Variants in LRRC3C observed in about 807,000 individuals in gnomAD.
The protein encoded by LRRC3C is leucine-rich repeat-containing protein 3C.
A neutral mutation model predicts 14.8 loss-of-function variants in LRRC3C; 11 were observed. The observed-to-expected ratio is 0.74, with a 90% CI of 0.47 to 1.23. The LOEUF is 1.23. LRRC3C is among the 50% of genes most tolerant of loss of function. LRRC3C has a pLI of 0.00. For synonymous variants in LRRC3C, 149 were observed against 161.5 expected (o/e 0.92, Z 0.59); for missense variants, 354 against 361.8 (o/e 0.98, Z 0.18).
chr17:39,934,943 G>A (rs977506706), intron 1 of LRRC3C, among the ~76,000 whole-genome samples: 12 of 152,062 alleles, frequency 7.9e-5, no homozygotes, highest in African/African-American at 1.9e-4. Flanking sequence ...CTGTCATGGC[G>A]CGGCTGAAAG....
At chr17:39,941,164 A>G (rs1370757060) in intron 2 of LRRC3C, among the ~76,000 whole-genome samples, 2 of 151,810 alleles carry the variant, frequency 1.3e-5, no homozygotes, top group Non-Finnish European at 2.9e-5. Context: ...AGCCTGGCCA[A>G]TATGGTGAAA....
intron 1 of LRRC3C, among the ~76,000 whole-genome samples, chr17:39,932,715 G>T (rs376749245): frequency 6.6e-6 from 1 of 151,592 alleles, no homozygotes; most frequent in East Asian, 1.9e-4. Flanking sequence ...TTATGATCTC[G>T]CTATTTCACT....
intron 1 of LRRC3C, among the ~76,000 whole-genome samples, chr17:39,933,714 C>A (rs1268960304): frequency 6.6e-6 from 1 of 152,000 alleles, no homozygotes; most frequent in Non-Finnish European, 1.5e-5. Context: ...GCCTGGGCGA[C>A]AGAGCAAGAC....
chr17:39,935,783 C>T lies in LRRC3C; in HGVS notation c.-174-19C>T. On this transcript the variant is annotated intron_variant, in intron 1 of 3. Coordinates refer to ENST00000377924, the MANE Select transcript of LRRC3C (RefSeq NM_001195545.2). Reference sequence around the variant, plus strand: ...GGCAGCATGAAGTGTATGTATACACCCCTTGCTCTTTTCTACAGGGAACAA... The same window carrying T: ...GGCAGCATGAAGTGTATGTATACACTCCTTGCTCTTTTCTACAGGGAACAA... 1 of 971,904 alleles carries T rather than the reference C, an allele frequency of 1.0e-6. No homozygotes were observed. Among genetic ancestry groups the T allele is most frequent in the Non-Finnish European group, 1.2e-6 (1 of 817,864 alleles). 60.2% of individuals were successfully genotyped at this position (971,904 alleles called of 1,614,324 possible).
chr17:39,933,845 G>GA (rs764574150), intron 1 of LRRC3C, among the ~76,000 whole-genome samples: 21 of 152,218 alleles, frequency 1.4e-4, no homozygotes, highest in Non-Finnish European at 2.8e-4. Context: ...AGGGAGGGTG[G>GA]TGAGGTCCTG....
chr17:39,933,192 A>C (rs1189221397), intron 1 of LRRC3C, among the ~76,000 whole-genome samples: 1 of 152,228 alleles, frequency 6.6e-6, no homozygotes, highest in Non-Finnish European at 1.5e-5. Flanking sequence ...TAAATTTTTT[A>C]TTAAAATTGT....
At chr17:39,929,013 T>C (rs1480647760) in intron 1 of LRRC3C, 1 of 152,270 alleles carries the variant, frequency 6.6e-6, no homozygotes, top group Non-Finnish European at 1.5e-5. Context: ...GCTCTGCCTA[T>C]GTCCTGTGGA....
At position 39,941,477 on chromosome 17, in the gene LRRC3C, A is replaced by T; in HGVS notation, c.-47A>T. 6.6e-7 allele frequency: 1 copy of T among 1,509,892 alleles called. No individual in the cohort carries two copies. The highest frequency in any genetic ancestry group is 8.9e-7 in the Non-Finnish European group (1 of 1,123,574). 93.5% of individuals were successfully genotyped at this position (1,509,892 alleles called of 1,614,324 possible). On this transcript the variant is annotated 5_prime_UTR_variant, in exon 3 of 4. The change abolishes the stop of an existing upstream ORF in the 5' untranslated region. Coordinates refer to ENST00000377924, the MANE Select transcript of LRRC3C (RefSeq NM_001195545.2). ...TCCGTGTCCAGTCCTGGTCACCCAT[A>T]GTCTTCCAAAATCCAGCAAGAAAAA...
At chr17:39,940,924 A>G (rs970998807) in intron 2 of LRRC3C, among the ~76,000 whole-genome samples, 9 of 151,992 alleles carry the variant, frequency 5.9e-5, no homozygotes, top group Admixed American at 5.9e-4. Context: ...TTGTATTTTT[A>G]GTAGAGATGG....
At chr17:39,933,564 C>G (rs957285181) in intron 1 of LRRC3C, among the ~76,000 whole-genome samples, 18 of 152,144 alleles carry the variant, frequency 1.2e-4, no homozygotes, top group Non-Finnish European at 2.2e-4. Flanking sequence ...GAAACCCCAT[C>G]TCCACTAAAA....
At chr17:39,932,628 G>A (rs1031024287) in intron 1 of LRRC3C, among the ~76,000 whole-genome samples, 3 of 151,334 alleles carry the variant, frequency 2.0e-5, no homozygotes, top group South Asian at 2.1e-4. Context: ...AGGCTAAGGC[G>A]GGAGGATCGC....
intron 1 of LRRC3C, among the ~76,000 whole-genome samples, chr17:39,929,838 T>A (rs1978597065): frequency 6.6e-6 from 1 of 152,164 alleles, no homozygotes; most frequent in South Asian, 2.1e-4. Flanking sequence ...ATGAAGCCAT[T>A]TAGGACAGAT....
chr17:39,937,008 A>G (rs1978815540), intron 2 of LRRC3C, among the ~76,000 whole-genome samples: 1 of 152,054 alleles, frequency 6.6e-6, no homozygotes, highest in Non-Finnish European at 1.5e-5. Flanking sequence ...ATGGTGGTGC[A>G]CGCCTGTAAT....
At chr17:39,937,385 G>A (rs1340846591) in intron 2 of LRRC3C, among the ~76,000 whole-genome samples, 1 of 151,654 alleles carries the variant, frequency 6.6e-6, no homozygotes, top group Non-Finnish European at 1.5e-5. Flanking sequence ...TCAGTGAGCT[G>A]AGATCATGCC....
intron 1 of LRRC3C, among the ~76,000 whole-genome samples, chr17:39,932,643 G>T (rs1211543224): frequency 1.3e-5 from 2 of 151,542 alleles, no homozygotes; most frequent in Non-Finnish European, 2.9e-5. Context: ...GATCGCTTGA[G>T]CCCAAGGAAT....
intron 1 of LRRC3C, among the ~76,000 whole-genome samples, chr17:39,928,086 A>C (rs1158672938): frequency 6.6e-6 from 1 of 152,196 alleles, no homozygotes; most frequent in African/African-American, 2.4e-5. Context: ...AGCGCTTTTC[A>C]CAACATTGGC....
chr17:39,944,618 G>C lies in LRRC3C; in HGVS notation c.712G>C (p.Ala238Pro). 6.5e-7 allele frequency: 1 copy of C among 1,535,948 alleles called. No individual in the cohort carries two copies. The highest frequency in any genetic ancestry group is 8.7e-7 in the Non-Finnish European group (1 of 1,146,852). ...TMGGWLTLMV[A>P]YLVHYVWQNR... is the part of the protein sequence containing the mutation. ...GGGGGGCTGGCTGACACTCATGGTG[G>C]CTTATCTGGTGCATTATGTGTGGCA... is the stretch of plus-strand genomic sequence containing the variant. The change falls in exon 4 of 4, where the codon GCT (alanine) becomes CCT (proline). Residue 238 changes from alanine (A) to proline (P), a missense_variant. By Grantham distance (27) the Ala-to-Pro change is conservative. Coordinates refer to ENST00000377924, the MANE Select transcript of LRRC3C (RefSeq NM_001195545.2).
chr17:39,927,853 A>AG, intron 1 of LRRC3C, 39 bp downstream of exon 1: 2 of 985,614 alleles, frequency 2.0e-6, no homozygotes, highest in Non-Finnish European at 2.4e-6. Context: ...GTGCCCTTCA[A>AG]GTGTATTTTA....
Position 39,944,038 on chromosome 17 carries a change from C to T in LRRC3C, c.132C>T (p.Ser44=). 2 of 1,536,100 alleles carry T rather than the reference C, an allele frequency of 1.3e-6. No individual in the cohort carries two copies. Among genetic ancestry groups the T allele is most frequent in the Non-Finnish European group, 1.7e-6 (2 of 1,146,856 alleles). Residue 44 remains serine, a synonymous_variant, in exon 4 of 4, where the codon AGC becomes AGT. Coordinates refer to ENST00000377924, the MANE Select transcript of LRRC3C (RefSeq NM_001195545.2). The part of the protein sequence containing the change: ...LVIGTGGTVP[S]PQVPPRGCYV... ...TAGGCACAGGGGGTACTGTGCCCAG[C>T]CCCCAGGTGCCTCCCCGGGGCTGTT...
Sources: gnomAD v4.1 joint callset for allele counts (sites outside exome capture counted in the v4.1 genomes callset) on GRCh38, gnomAD v4.1.1 for gene constraint, MANE v1.5 for transcripts, NCBI Gene and HGNC (gene_info 2026-07-23, HGNC 2026-07-21) for gene names.